The following PLXNC1 variants were observed in gnomAD, a reference collection of about 807,000 sequenced individuals.
The protein encoded by PLXNC1 is plexin-C1.
In PLXNC1, 75 loss-of-function variants were observed where a neutral mutation model predicts 178.2. The ratio of observed to expected loss-of-function variants is 0.42; its 90% CI spans 0.35 to 0.51. The LOEUF is 0.51. PLXNC1 is among the 20% of genes least tolerant of loss of function. The probability of loss-of-function intolerance (pLI) is 0.02; values close to 1 mark genes in which losing one functional copy is unlikely to be tolerated. For missense variants in PLXNC1, 1,503 were observed against 1,984.4 expected, an observed-to-expected ratio of 0.76 and a Z score of 4.61; for synonymous variants, 790 against 779.9, an observed-to-expected ratio of 1.01 and a Z score of -0.22.
intron 1 of PLXNC1, among the ~76,000 whole-genome samples, chr12:94,157,358 C>G (rs569483670): frequency 6.6e-6 from 1 of 152,298 alleles, no homozygotes; most frequent in African/African-American, 2.4e-5. Context: ...CACTCCCTTC[C>G]CCAAACATGC....
intron 1 of PLXNC1, among the ~76,000 whole-genome samples, chr12:94,167,718 T>C (rs1027253531): frequency 6.6e-6 from 1 of 152,220 alleles, no homozygotes; most frequent in Admixed American, 6.5e-5. Flanking sequence ...CATCTTCCCA[T>C]ATTGCATGAA....
chr12:94,252,765 C>T (rs148300078), intron 15 of PLXNC1, among the ~76,000 whole-genome samples: 1 of 152,324 alleles, frequency 6.6e-6, no homozygotes, highest in African/African-American at 2.4e-5. Context: ...CCACAGTCGC[C>T]ACCACTCCAT....
chr12:94,245,737 G>C (rs1228768257), intron 12 of PLXNC1, among the ~76,000 whole-genome samples: 1 of 152,202 alleles, frequency 6.6e-6, no homozygotes, highest in African/African-American at 2.4e-5. Flanking sequence ...AGTCCTCGCA[G>C]GCCCGTGCTG....
chr12:94,157,612 C>A (rs559975862), intron 1 of PLXNC1, among the ~76,000 whole-genome samples: 1 of 152,156 alleles, frequency 6.6e-6, no homozygotes, highest in Non-Finnish European at 1.5e-5. Flanking sequence ...GTTTCAGTAG[C>A]TGATTTTCAT....
At chr12:94,265,807 G>T (rs1304187201) in intron 21 of PLXNC1, among the ~76,000 whole-genome samples, 57 of 152,064 alleles carry the variant, frequency 3.7e-4, no homozygotes, top group Admixed American at 3.7e-3. Flanking sequence ...CTGCTGGAGG[G>T]TTTCACCCGC....
At position 94,279,508 on chromosome 12, in the gene PLXNC1, G is replaced by A. The variant is rs1966267432; in HGVS notation, c.3634G>A (p.Glu1212Lys). 1.9e-6 allele frequency: 3 copies of A among 1,613,690 alleles called. No homozygotes were observed. Among genetic ancestry groups the A allele is most frequent in the East Asian group, 2.2e-5 (1 of 44,894 alleles). The change falls in exon 22 of 31, where the codon GAG becomes AAG. Residue 1212 changes from glutamate (E) to lysine (K), a missense_variant. Around this residue, in one of 4 missense-constraint regions of PLXNC1, gnomAD observed 639 missense variants for 979.7 expected, o/e 0.65. Transcript: ENST00000258526. The part of the protein sequence containing the change: ...NVVFEKIPEN[E>K]SADVCRNISV... ...CGTCTTTGAAAAAATCCCGGAAAAC[G>A]AGAGTGCAGATGTCTGTCGGAATAT...
At chr12:94,300,171 G>A (rs1968326530) in intron 27 of PLXNC1, among the ~76,000 whole-genome samples, 2 of 152,148 alleles carry the variant, frequency 1.3e-5, no homozygotes, top group Admixed American at 1.3e-4. Flanking sequence ...CTAATAGTTG[G>A]GGACAGACAC....
chr12:94,259,750 T>G lies in PLXNC1; in HGVS notation c.3251+16T>G. ...TGAAGGACAGGTATTAGTCCATTCT[T>G]TGATGTTTTAAAAGCCTTTAAGAAA... is the stretch of plus-strand genomic sequence containing the variant. On this transcript the variant is annotated intron_variant, in intron 19 of 30. Coordinates refer to ENST00000258526, the MANE Select transcript of PLXNC1 (RefSeq NM_005761.3). 1 of 1,581,172 alleles carries G rather than the reference T, an allele frequency of 6.3e-7. No homozygotes were observed. Among genetic ancestry groups the G allele is most frequent in the Non-Finnish European group, 8.6e-7 (1 of 1,166,956 alleles).
intron 2 of PLXNC1, among the ~76,000 whole-genome samples, chr12:94,181,037 A>G (rs532802426): frequency 1.3e-5 from 2 of 152,312 alleles, no homozygotes; most frequent in South Asian, 4.1e-4. Context: ...CTTAGGCAGT[A>G]TTTGTAGTGA....
chr12:94,246,817 A>G (rs1036826798), intron 12 of PLXNC1, among the ~76,000 whole-genome samples: 1 of 151,574 alleles, frequency 6.6e-6, no homozygotes, highest in Non-Finnish European at 1.5e-5. Context: ...TGCTTGTCCA[A>G]ATCTCAGCTC....
intron 3 of PLXNC1, chr12:94,186,171 C>A: frequency 1.9e-6 from 1 of 523,214 alleles, no homozygotes; most frequent in South Asian, 2.2e-5. Context: ...CCTGGGAATA[C>A]GCACTGTCAA....
intron 4 of PLXNC1, among the ~76,000 whole-genome samples, chr12:94,203,459 C>A (rs1180028086): frequency 6.6e-6 from 1 of 152,170 alleles, no homozygotes; most frequent in Non-Finnish European, 1.5e-5. Context: ...AATCCAGGAA[C>A]ACAGTTTGAA....
intron 24 of PLXNC1, among the ~76,000 whole-genome samples, chr12:94,295,622 C>T (rs1461827161): frequency 6.6e-6 from 1 of 152,134 alleles, no homozygotes. Context: ...TACCTCTGTC[C>T]TATCATCAGC....
intron 15 of PLXNC1, among the ~76,000 whole-genome samples, chr12:94,252,280 T>C (rs1178955936): frequency 6.6e-6 from 1 of 152,126 alleles, no homozygotes; most frequent in Non-Finnish European, 1.5e-5. Context: ...AGAAGTGTGG[T>C]CATGCCTGGG....
At chr12:94,177,543 G>GAAAGAA (rs1363718177) in intron 2 of PLXNC1, among the ~76,000 whole-genome samples, 4 of 150,716 alleles carry the variant, frequency 2.7e-5, no homozygotes, top group African/African-American at 9.8e-5. Flanking sequence ...GAAAGAAAGA[G>GAAAGAA]AGAGAAAGAA....
At chr12:94,283,589 A>G (rs1966612180) in intron 23 of PLXNC1, among the ~76,000 whole-genome samples, 2 of 152,170 alleles carry the variant, frequency 1.3e-5, no homozygotes, top group South Asian at 4.1e-4. Flanking sequence ...AGTCTCCCTG[A>G]GCGTTCAGGG....
chr12:94,190,717 C>T (rs188475170), intron 4 of PLXNC1, among the ~76,000 whole-genome samples: 54 of 152,312 alleles, frequency 3.5e-4, no homozygotes, highest in Admixed American at 2.6e-4. Context: ...CCAGGCTTTC[C>T]GTGATCTGGC....
chr12:94,270,437 A>C (rs772745536), intron 21 of PLXNC1, among the ~76,000 whole-genome samples: 1 of 152,206 alleles, frequency 6.6e-6, no homozygotes, highest in South Asian at 2.1e-4. Flanking sequence ...AGAGCTTGAC[A>C]TAGTAGAGAA....
intron 9 of PLXNC1, among the ~76,000 whole-genome samples, chr12:94,233,435 A>G (rs1440696150): frequency 6.6e-6 from 1 of 152,210 alleles, no homozygotes; most frequent in Non-Finnish European, 1.5e-5. Context: ...CACACTCAGA[A>G]GGCTCAAATG....
Sources: gnomAD v4.1 joint callset for allele counts (sites outside exome capture counted in the v4.1 genomes callset) on GRCh38, gnomAD v4.1.1 for gene constraint, gnomAD v4.1.1 regional missense constraint, MANE v1.5 for transcripts, NCBI Gene and HGNC (gene_info 2026-07-23, HGNC 2026-07-21) for gene names.